CELF2: variants seen among roughly 807,000 people sequenced by gnomAD.
The protein encoded by CELF2 is CUGBP Elav-like family member 2, also known as CUG triplet repeat RNA-binding protein 2.
A neutral mutation model predicts 62.6 loss-of-function variants in CELF2; 8 were observed. That is an observed-to-expected ratio of 0.13 (90% CI 0.07 to 0.23). CELF2 has a LOEUF of 0.23. Ranked by LOEUF, CELF2 falls within the 10% of genes least tolerant of loss-of-function variation. CELF2 has a pLI of 1.00. For missense variants in CELF2, 333 were observed against 671.0 expected (o/e 0.50, Z 5.56); for synonymous variants, 258 against 250.0 (o/e 1.03, Z -0.30).
At chr10:10,991,649 G>T (rs922454211) in intron 2 of CELF2, among the ~76,000 whole-genome samples, 1 of 152,078 alleles carries the variant, frequency 6.6e-6, no homozygotes, top group African/African-American at 2.4e-5. Flanking sequence ...GGAGTTTGAG[G>T]CTTTTCATCT....
At chr10:10,932,692 G>A (rs557785163) in intron 2 of CELF2, among the ~76,000 whole-genome samples, 38 of 148,670 alleles carry the variant, frequency 2.6e-4, no homozygotes, top group African/African-American at 9.2e-4. Context: ...GTGTGTGTGT[G>A]TGTATATATA....
chr10:11,194,153 C>T (rs2134667461), intron 2 of CELF2, among the ~76,000 whole-genome samples: 1 of 152,266 alleles, frequency 6.6e-6, no homozygotes, highest in African/African-American at 2.4e-5. Flanking sequence ...GCAACCTCCA[C>T]CTCCCAGGTT....
Position 11,242,071 on chromosome 10 carries a change from C to G in CELF2, c.355-7082C>G, listed in dbSNP as rs949222157. 1.2e-4 allele frequency among the ~76,000 whole-genome samples: 18 copies of G among 152,138 alleles called. No individual in the cohort carries two copies. The highest frequency in any genetic ancestry group is 4.3e-4 in the African/African-American group (18 of 41,422). Reference sequence around the variant, plus strand: ...TCGTTTTCTCAGTTGGCACATAGCTCTTTCGTGAATTCACTTCTTTCCATC... The same window carrying G: ...TCGTTTTCTCAGTTGGCACATAGCTGTTTCGTGAATTCACTTCTTTCCATC... On this transcript the variant is annotated intron_variant, in intron 3 of 12. Transcript: ENST00000633077. The surrounding 1 kb of genome is among the most constrained non-coding windows in gnomAD (Gnocchi z 4.8).
At chr10:10,508,706 A>G in the CELF2 span, among the ~76,000 whole-genome samples, 3,420 of 45,026 alleles carry the variant, frequency 0.076, 110 homozygotes, top group African/African-American at 0.13. Context: ...GTGTGTGTGT[A>G]TATTTTTTTT....
rs2071827688 is a variant in CELF2 at position 11,237,379 on chromosome 10, A to T, written c.355-11774A>T. Among the ~76,000 whole-genome samples, 1 of 152,126 alleles carries T rather than the reference A, an allele frequency of 6.6e-6. No homozygotes were observed. Among genetic ancestry groups the T allele is most frequent in the Non-Finnish European group, 1.5e-5 (1 of 68,020 alleles). On this transcript the variant is annotated intron_variant, in intron 3 of 12. Coordinates refer to ENST00000633077, the MANE Select transcript of CELF2 (RefSeq NM_001326342.2). This position sits in a 1 kb window ranked among gnomAD's most constrained non-coding sequence, Gnocchi z 4.0. The stretch of plus-strand genomic sequence containing the variant: ...CAGCTTCTCAAGTTCTCTGTGGGGT[A>T]CCCAGATTCAGGTCATTTCCTATGG...
chr10:10,599,736 T>TG, the CELF2 span, among the ~76,000 whole-genome samples: 1 of 148,112 alleles, frequency 6.8e-6, no homozygotes, highest in Non-Finnish European at 1.5e-5. Context: ...TTTTTTTTTT[T>TG]TTTTTGTTTT....
the CELF2 span, among the ~76,000 whole-genome samples, chr10:10,631,061 C>T: frequency 6.6e-5 from 10 of 152,180 alleles, no homozygotes; most frequent in Non-Finnish European, 2.9e-5. Flanking sequence ...AAACTCTTCT[C>T]ACTGAATTTC....
intron 2 of CELF2, among the ~76,000 whole-genome samples, chr10:11,192,121 AG>A (rs1388243728): frequency 6.6e-6 from 1 of 152,232 alleles, no homozygotes; most frequent in Non-Finnish European, 1.5e-5. Flanking sequence ...GCACCCCTAC[AG>A]GCTGGGATCT....
intron 1 of CELF2, among the ~76,000 whole-genome samples, chr10:10,820,742 G>A (rs1035319521): frequency 2.0e-5 from 3 of 152,164 alleles, no homozygotes; most frequent in Admixed American, 6.5e-5. Context: ...GTCAACCAGC[G>A]AGGACAGGAA....
At chr10:11,179,514 T>G (rs900337537) in intron 2 of CELF2, among the ~76,000 whole-genome samples, 1 of 152,210 alleles carries the variant, frequency 6.6e-6, no homozygotes, top group East Asian at 1.9e-4. Flanking sequence ...AAATGCTACC[T>G]CTCTCTGATC....
chr10:10,894,385 G>A (rs1369465769), intron 1 of CELF2, among the ~76,000 whole-genome samples: 1 of 152,206 alleles, frequency 6.6e-6, no homozygotes, highest in Non-Finnish European at 1.5e-5. Context: ...TGTCTAAAAT[G>A]ACTAAGCTTT....
At position 11,328,906 on chromosome 10, in the gene CELF2, CCT is replaced by C. The variant is rs752572359; in HGVS notation, c.1439-14_1439-13del. 6.2e-6 allele frequency: 10 copies of C among 1,602,362 alleles called. No individual in the cohort carries two copies. Among genetic ancestry groups the C allele is most frequent in the African/African-American group, 4.0e-5 (3 of 74,740 alleles). Reference sequence around the variant, plus strand: ...CTGGGCTTCCTCTCCAGGCTGACTCCCTCTCTCGGTATTTTCCAGGTTTTGTT... The same window carrying C: ...CTGGGCTTCCTCTCCAGGCTGACTCCCTCTCGGTATTTTCCAGGTTTTGTT... On this transcript the variant is annotated intron_variant, in intron 12 of 12. Transcript: ENST00000633077. The surrounding 1 kb of genome is among the most constrained non-coding windows in gnomAD (Gnocchi z 6.4).
At chr10:10,588,446 G>T in the CELF2 span, among the ~76,000 whole-genome samples, 1 of 152,120 alleles carries the variant, frequency 6.6e-6, no homozygotes, top group South Asian at 2.1e-4. Context: ...ACTTGAGGTT[G>T]GTCCAAAGGG....
chr10:11,216,137 A>G (rs1284533228), intron 2 of CELF2, among the ~76,000 whole-genome samples: 1 of 152,248 alleles, frequency 6.6e-6, no homozygotes, highest in East Asian at 1.9e-4. Context: ...AAATGCCAAG[A>G]TGCTATGGTC....
At chr10:10,499,774 A>C in the CELF2 span, among the ~76,000 whole-genome samples, 1 of 152,162 alleles carries the variant, frequency 6.6e-6, no homozygotes, top group African/African-American at 2.4e-5. Flanking sequence ...GCTACTCAGG[A>C]GTCTGAGGCA....
chr10:10,741,205 A>G, the CELF2 span, among the ~76,000 whole-genome samples: 1 of 152,152 alleles, frequency 6.6e-6, no homozygotes. Context: ...AATACACACA[A>G]TAAAATCAAC....
the CELF2 span, among the ~76,000 whole-genome samples, chr10:10,617,808 C>T: frequency 6.6e-6 from 1 of 152,090 alleles, no homozygotes; most frequent in Non-Finnish European, 1.5e-5. Flanking sequence ...AGTAACCATG[C>T]ACCAGAGTAT....
chr10:10,892,687 G>A (rs2062232894), intron 1 of CELF2, among the ~76,000 whole-genome samples: 1 of 152,182 alleles, frequency 6.6e-6, no homozygotes, highest in South Asian at 2.1e-4. Context: ...CAGTGAACTT[G>A]GACAATGTGT....
the CELF2 span, among the ~76,000 whole-genome samples, chr10:10,762,364 G>T: frequency 1.3e-5 from 2 of 152,162 alleles, no homozygotes; most frequent in Non-Finnish European, 2.9e-5. Flanking sequence ...TTTAATTATG[G>T]ATTGTGCTAG....
Sources: gnomAD v4.1 joint callset for allele counts (sites outside exome capture counted in the v4.1 genomes callset) on GRCh38, gnomAD v4.1.1 for gene constraint, Gnocchi (gnomAD v3.1) non-coding constraint, MANE v1.5 for transcripts, NCBI Gene and HGNC (gene_info 2026-07-23, HGNC 2026-07-21) for gene names.